Variants in KAT2B observed in about 807,000 individuals in gnomAD.
KAT2B encodes lysine acetyltransferase 2B.
In KAT2B, 36 loss-of-function variants were observed where a neutral mutation model predicts 105.9. The ratio of observed to expected loss-of-function variants is 0.34; its 90% CI spans 0.26 to 0.45. KAT2B has a LOEUF of 0.45. Among genes scored for constraint, KAT2B ranks in the 20% least tolerant of loss-of-function variants. The pLI, the probability that KAT2B is intolerant of heterozygous loss-of-function variation, is 1.00. For missense variants in KAT2B, 820 were observed against 1,021.6 expected (o/e 0.80, Z 2.69); for synonymous variants, 397 against 377.9 (o/e 1.05, Z -0.59).
intron 1 of KAT2B, among the ~76,000 whole-genome samples, chr3:20,065,978 C>T (rs1005168574): frequency 6.6e-6 from 1 of 152,102 alleles, no homozygotes; most frequent in Non-Finnish European, 1.5e-5. Flanking sequence ...AACAAATAAC[C>T]ACAAAATATG....
chr3:20,068,059 C>T (rs1251831484), intron 1 of KAT2B, among the ~76,000 whole-genome samples: 1 of 151,132 alleles, frequency 6.6e-6, no homozygotes, highest in African/African-American at 2.4e-5. Context: ...TGCAGTGGCG[C>T]AATCTTGGCT....
At chr3:20,048,083 C>G (rs1697846922) in intron 1 of KAT2B, among the ~76,000 whole-genome samples, 1 of 152,156 alleles carries the variant, frequency 6.6e-6, no homozygotes, top group Non-Finnish European at 1.5e-5. Flanking sequence ...AAAGATCAGT[C>G]TTTAGCCACA....
chr3:20,129,572 C>T (rs1414781244), intron 11 of KAT2B, among the ~76,000 whole-genome samples: 3 of 151,854 alleles, frequency 2.0e-5, no homozygotes, highest in Admixed American at 6.6e-5. Flanking sequence ...GATGAGGTTT[C>T]GCCATGTTGG....
chr3:20,122,625 T>A, intron 8 of KAT2B, 43 bp from the exon 9 acceptor site: 1 of 1,535,952 alleles, frequency 6.5e-7, no homozygotes. Context: ...TTGTTTTGTG[T>A]TTAGAACCAC....
chr3:20,140,884 AATATGTAAAATACAAAAT>A (rs1428748293), intron 13 of KAT2B, among the ~76,000 whole-genome samples: 1 of 8,340 alleles, frequency 1.2e-4, no homozygotes, highest in Non-Finnish European at 1.9e-4. Flanking sequence ...TAAAATACAA[AATATGTAAAATACAAAAT>A]ATGTAAAATA....
In KAT2B at chr3:20,148,008, G is replaced by C. The variant is rs1485848100; in HGVS notation, c.2156+9G>C. Reference sequence around the variant, plus strand: ...AGTGGAAAAGAGAAAAGGTAAGTATGACGGGCAAGAGGATGTTAATGGAAG... The same window carrying C: ...AGTGGAAAAGAGAAAAGGTAAGTATCACGGGCAAGAGGATGTTAATGGAAG... On this transcript the variant is annotated intron_variant, in intron 15 of 17. Transcript: ENST00000263754. 2 of 1,612,990 alleles carry C rather than the reference G, an allele frequency of 1.2e-6. No homozygotes were observed. Among genetic ancestry groups the C allele is most frequent in the Non-Finnish European group, 1.7e-6 (2 of 1,179,262 alleles).
At chr3:20,083,805 A>T (rs910094333) in intron 2 of KAT2B, among the ~76,000 whole-genome samples, 11 of 152,166 alleles carry the variant, frequency 7.2e-5, no homozygotes, top group African/African-American at 2.7e-4. Flanking sequence ...TAAAGGAATG[A>T]ATGATGGGCT....
chr3:20,054,702 A>G (rs1697975927), intron 1 of KAT2B, among the ~76,000 whole-genome samples: 1 of 152,354 alleles, frequency 6.6e-6, no homozygotes, highest in Non-Finnish European at 1.5e-5. Flanking sequence ...TGATGGTGGC[A>G]GTGCCAATTT....
chr3:20,105,474 G>A (rs1187113970), intron 5 of KAT2B, among the ~76,000 whole-genome samples: 1 of 152,152 alleles, frequency 6.6e-6, no homozygotes, highest in Non-Finnish European at 1.5e-5. Context: ...CTGGGGAGAT[G>A]TTTCATAAGA....
At position 20,145,953 on chromosome 3, in the gene KAT2B, A is replaced by G. The variant is rs1457932996; in HGVS notation, c.2005-363A>G. 3.3e-5 allele frequency among the ~76,000 whole-genome samples: 5 copies of G among 152,212 alleles called. No individual in the cohort carries two copies. The East Asian group carries it at 9.6e-4, about 29-fold the overall frequency. ...AAGAGGTTCTGTCACTTGACTGAGT[A>G]GTGAATGCTCAGGGCTGCTTTCCTG... On this transcript the variant is annotated intron_variant, in intron 13 of 17. Transcript: ENST00000263754.
chr3:20,115,510 C>T (rs368919421), intron 7 of KAT2B, among the ~76,000 whole-genome samples: 5 of 152,244 alleles, frequency 3.3e-5, no homozygotes, highest in South Asian at 2.1e-4. Flanking sequence ...AAAATTTTGA[C>T]GTCAAGAGTT....
At chr3:20,125,504 C>G (rs1416518978) in intron 9 of KAT2B, among the ~76,000 whole-genome samples, 1 of 152,168 alleles carries the variant, frequency 6.6e-6, no homozygotes, top group Non-Finnish European at 1.5e-5. Context: ...TGGAACAGTA[C>G]TGCACCCATT....
intron 2 of KAT2B, among the ~76,000 whole-genome samples, chr3:20,080,019 T>C (rs1698492325): frequency 6.6e-6 from 1 of 152,270 alleles, no homozygotes; most frequent in Non-Finnish European, 1.5e-5. Context: ...CCTCTAGCAC[T>C]GGCTGAATTT....
chr3:20,042,520 A>T (rs1697738026), intron 1 of KAT2B, among the ~76,000 whole-genome samples: 1 of 152,136 alleles, frequency 6.6e-6, no homozygotes, highest in Non-Finnish European at 1.5e-5. Flanking sequence ...GTAATCAAAC[A>T]CCACCTGTTC....
At chr3:20,068,885 G>A (rs1371743473) in intron 1 of KAT2B, among the ~76,000 whole-genome samples, 1 of 152,148 alleles carries the variant, frequency 6.6e-6, no homozygotes. Flanking sequence ...TTGGGAAAGG[G>A]CTGTGGATCA....
At chr3:20,062,911 A>G (rs1200290963) in intron 1 of KAT2B, among the ~76,000 whole-genome samples, 1 of 152,000 alleles carries the variant, frequency 6.6e-6, no homozygotes, top group Non-Finnish European at 1.5e-5. Context: ...CATTCTTTAT[A>G]TATTTTGGAT....
rs146619713 is a variant in KAT2B at position 20,059,654 on chromosome 3, G to A, written c.304-12679G>A. Among the ~76,000 whole-genome samples the A allele has an allele frequency of 6.2e-3, 938 of 151,806 alleles. 12 individuals carry two copies. Among genetic ancestry groups the A allele is most frequent in the African/African-American group, 0.022 (892 of 41,386 alleles). ...TGGGAGGTGGAGCTTGCGGTGAGCC[G>A]AGATCGTACCACTGCATTCCAGCCT... On this transcript the variant is annotated intron_variant, in intron 1 of 17. Coordinates refer to ENST00000263754, the MANE Select transcript of KAT2B (RefSeq NM_003884.5).
At position 20,121,729 on chromosome 3, in the gene KAT2B, CATATGTGTGTGTGTGT is replaced by C. The variant is rs1319314891; in HGVS notation, c.1277-938_1277-923del. On this transcript the variant is annotated intron_variant, in intron 8 of 17. Transcript: ENST00000263754. ...ATATATATGCATACATACACATATG[CATATGTGTGTGTGTGT>C]GTGTGTGTGTGTGTGTGTGTGTGTG... Among the ~76,000 whole-genome samples, 1,008 of 120,340 alleles carry C rather than the reference CATATGTGTGTGTGTGT, an allele frequency of 8.4e-3. 8 individuals are homozygous for C. The highest frequency in any genetic ancestry group is 0.011 in the South Asian group (33 of 2,974). The allele number at this position is 120,340 out of a possible 152,430, so 78.9% of individuals were successfully genotyped here.
At chr3:20,109,919 G>A (rs1352302452) in intron 5 of KAT2B, among the ~76,000 whole-genome samples, 3 of 152,052 alleles carry the variant, frequency 2.0e-5, no homozygotes, top group African/African-American at 7.2e-5. Flanking sequence ...AATGTAGGCA[G>A]ATGAACTAAC....
Sources: gnomAD v4.1 joint callset for allele counts (sites outside exome capture counted in the v4.1 genomes callset) on GRCh38, gnomAD v4.1.1 for gene constraint, MANE v1.5 for transcripts, NCBI Gene and HGNC (gene_info 2026-07-23, HGNC 2026-07-21) for gene names.